The following CMKLR1 variants were observed in gnomAD, a reference collection of about 807,000 sequenced individuals.
CMKLR1 encodes the protein chemerin-like receptor 1.
In CMKLR1, 6 loss-of-function variants were observed where a neutral mutation model predicts 8.2. The observed-to-expected ratio is 0.73, with a 90% CI of 0.40 to 1.44. CMKLR1 has a LOEUF of 1.44. CMKLR1 is among the 40% of genes most tolerant of loss of function. The pLI is 0.02. For missense variants in CMKLR1, 429 were observed against 478.0 expected (o/e 0.90, Z 0.96); for synonymous variants, 178 against 181.2 (o/e 0.98, Z 0.14).
intron 2 of CMKLR1, among the ~76,000 whole-genome samples, chr12:108,303,890 C>T (rs1324675271): frequency 1.3e-5 from 2 of 152,200 alleles, no homozygotes; most frequent in African/African-American, 4.8e-5. Context: ...ATCCATCCTC[C>T]AAGGACATGT....
intron 2 of CMKLR1, among the ~76,000 whole-genome samples, chr12:108,311,687 G>C (rs1891581876): frequency 6.6e-6 from 1 of 152,204 alleles, no homozygotes; most frequent in Non-Finnish European, 1.5e-5. Context: ...TAGAGGGGGA[G>C]AGCTGGTGGA....
At chr12:108,310,842 G>T (rs754729598) in intron 2 of CMKLR1, among the ~76,000 whole-genome samples, 34 of 152,182 alleles carry the variant, frequency 2.2e-4, no homozygotes, top group Non-Finnish European at 2.4e-4. Flanking sequence ...AGCAAGGCGG[G>T]TAGGCAGAGA....
intron 2 of CMKLR1, among the ~76,000 whole-genome samples, chr12:108,312,123 T>C (rs985345583): frequency 6.6e-6 from 1 of 152,192 alleles, no homozygotes; most frequent in Non-Finnish European, 1.5e-5. Flanking sequence ...TCTCCTTGTG[T>C]CCTGACAATC....
At chr12:108,319,997 G>A (rs1339874055) in intron 2 of CMKLR1, among the ~76,000 whole-genome samples, 1 of 151,894 alleles carries the variant, frequency 6.6e-6, no homozygotes, top group African/African-American at 2.4e-5. Flanking sequence ...AGCAACAGAC[G>A]ATGAGTAAAT....
Position 108,292,718 on chromosome 12 carries a change from G to T in CMKLR1, c.245C>A (p.Ala82Glu), listed in dbSNP as rs779887002. ...GACGTTGAACAGGAAATCTGCCACT[G>T]CCAGGTTGAGGAACCAGACCATGTT... ...TVNMVWFLNL[A>E]VADFLFNVFL... Residue 82 changes from alanine to glutamate, a missense_variant, in exon 4 of 4, where the codon GCA (alanine) becomes GAA (glutamate). Coordinates refer to ENST00000550402, the MANE Select transcript of CMKLR1 (RefSeq NM_001142343.2). 1.2e-5 allele frequency: 20 copies of T among 1,614,028 alleles called. No homozygotes were observed. The highest frequency in any genetic ancestry group is 8.5e-7 in the Non-Finnish European group (1 of 1,180,030).
intron 2 of CMKLR1, among the ~76,000 whole-genome samples, chr12:108,324,007 C>T (rs1238911594): frequency 6.6e-6 from 1 of 152,184 alleles, no homozygotes; most frequent in Non-Finnish European, 1.5e-5. Flanking sequence ...TGGCAGGTCC[C>T]CTCCCTGTCA....
chr12:108,317,311 G>A (rs556310726), intron 2 of CMKLR1, among the ~76,000 whole-genome samples: 48 of 152,276 alleles, frequency 3.2e-4, no homozygotes, highest in African/African-American at 1.2e-3. Context: ...GTCAAGGAGA[G>A]CCCACAAGAA....
chr12:108,326,092 A>AT lies in CMKLR1; in HGVS notation c.-74+3902dup, dbSNP rs576088710. On this transcript the variant is annotated intron_variant, in intron 2 of 3. Transcript: ENST00000550402. Reference sequence around the variant, plus strand: ...AACTCTGCTAACATGCAGCTTTGTCATTTTTTTTAAGATAACCCAATTTTG... The same window carrying AT: ...AACTCTGCTAACATGCAGCTTTGTCATTTTTTTTTAAGATAACCCAATTTTG... Among the ~76,000 whole-genome samples the AT allele has an allele frequency of 1.3e-3, 197 of 152,012 alleles. 2 individuals are homozygous for AT. Among genetic ancestry groups the AT allele is most frequent in the South Asian group, 7.5e-3 (36 of 4,802 alleles).
At chr12:108,312,147 G>T (rs141716421) in intron 2 of CMKLR1, among the ~76,000 whole-genome samples, 4 of 152,262 alleles carry the variant, frequency 2.6e-5, no homozygotes, top group Non-Finnish European at 5.9e-5. Flanking sequence ...CTTCCCCCTG[G>T]CCTGAGGACA....
At position 108,291,527 on chromosome 12, in the gene CMKLR1, C is replaced by T. The variant is rs781643293; in HGVS notation, c.*314G>A. 1.6e-5 allele frequency: 5 copies of T among 313,860 alleles called. No homozygotes were observed. Among genetic ancestry groups the T allele is most frequent in the African/African-American group, 6.5e-5 (3 of 46,304 alleles). 19.4% of individuals were successfully genotyped at this position (313,860 alleles called of 1,614,324 possible). On this transcript the variant is annotated 3_prime_UTR_variant, in exon 4 of 4. Coordinates refer to ENST00000550402, the MANE Select transcript of CMKLR1 (RefSeq NM_001142343.2). ...GGGCACACACAATAGGCAGCTTAAT[C>T]CCACCGCCCTATGCCAATCCCAGTT...
intron 2 of CMKLR1, among the ~76,000 whole-genome samples, chr12:108,304,439 G>A (rs1255282250): frequency 2.0e-5 from 3 of 152,172 alleles, no homozygotes; most frequent in African/African-American, 7.2e-5. Flanking sequence ...AAACCCCTTT[G>A]CCCAATGGGT....
intron 2 of CMKLR1, among the ~76,000 whole-genome samples, chr12:108,310,653 C>T (rs1891533961): frequency 1.3e-5 from 2 of 152,118 alleles, no homozygotes; most frequent in Admixed American, 1.3e-4. Context: ...GAGTGAGGAC[C>T]AGAGATACTC....
intron 2 of CMKLR1, among the ~76,000 whole-genome samples, chr12:108,328,280 G>T (rs1396002632): frequency 6.6e-6 from 1 of 152,156 alleles, no homozygotes; most frequent in Non-Finnish European, 1.5e-5. Flanking sequence ...CCTACAACCG[G>T]CATTTCTTAG....
At chr12:108,335,207 G>A (rs1892192259) in intron 1 of CMKLR1, among the ~76,000 whole-genome samples, 1 of 152,206 alleles carries the variant, frequency 6.6e-6, no homozygotes, top group African/African-American at 2.4e-5. Context: ...ATACACGACT[G>A]TGGCTGGGAA....
In CMKLR1 at chr12:108,289,724, C is replaced by T. The variant is rs1318497936; in HGVS notation, c.*2117G>A. 2 of 152,200 alleles carry T rather than the reference C, an allele frequency of 1.3e-5. No homozygotes were observed. The highest frequency in any genetic ancestry group is 4.8e-5 in the African/African-American group (2 of 41,438). The allele number at this position is 152,200 out of a possible 1,614,324, so 9.4% of individuals were successfully genotyped here. On this transcript the variant is annotated 3_prime_UTR_variant, in exon 4 of 4. Coordinates refer to ENST00000550402, the MANE Select transcript of CMKLR1 (RefSeq NM_001142343.2). ...TAAAGCTCCCTTTTTGCTCTCAAAC[C>T]GTCTATATTCAAACTCTTTAAAGCA...
chr12:108,316,363 A>C (rs1251546708), intron 2 of CMKLR1, among the ~76,000 whole-genome samples: 1 of 152,176 alleles, frequency 6.6e-6, no homozygotes, highest in Non-Finnish European at 1.5e-5. Context: ...GAGAGAACAG[A>C]GGATGACACC....
chr12:108,332,155 G>C (rs955210944), intron 1 of CMKLR1, among the ~76,000 whole-genome samples: 1 of 152,162 alleles, frequency 6.6e-6, no homozygotes, highest in Non-Finnish European at 1.5e-5. Flanking sequence ...AAAGAACATG[G>C]CAGACACTCT....
Position 108,292,444 on chromosome 12 carries a change from T to TG in CMKLR1, c.518dup (p.Ser174IlefsTer42). 1 of 1,613,950 alleles carries TG rather than the reference T, an allele frequency of 6.2e-7. No homozygotes were observed. Among genetic ancestry groups the TG allele is most frequent in the Non-Finnish European group, 8.5e-7 (1 of 1,179,990 alleles). Reference sequence around the variant, plus strand: ...TGGCTGTGTCCCGGAAGACGAGAGATGGGGAACTCAAGAAGAAAGCCAGGA... The same window carrying TG: ...TGGCTGTGTCCCGGAAGACGAGAGATGGGGGAACTCAAGAAGAAAGCCAGGA... On this transcript the variant is annotated frameshift_variant, in exon 4 of 4. Coordinates refer to ENST00000550402, the MANE Select transcript of CMKLR1 (RefSeq NM_001142343.2). LOFTEE classifies it low-confidence loss of function (END_TRUNC).
chr12:108,314,922 G>C (rs942147444), intron 2 of CMKLR1, among the ~76,000 whole-genome samples: 1 of 147,576 alleles, frequency 6.8e-6, no homozygotes, highest in Non-Finnish European at 1.5e-5. Context: ...GCCCAGGCTC[G>C]AACACAGCCT....
Sources: allele counts gnomAD v4.1 joint callset (sites outside exome capture counted in the v4.1 genomes callset), GRCh38; gene constraint gnomAD v4.1.1; transcripts MANE v1.5; gene names NCBI Gene and HGNC (gene_info 2026-07-23, HGNC 2026-07-21).